The following NCAM2 variants were observed in gnomAD, a reference collection of about 807,000 sequenced individuals.
NCAM2 encodes the protein neural cell adhesion molecule 2.
Under a neutral mutation model 98.1 loss-of-function variants are expected in NCAM2, and 30 were observed. The observed-to-expected ratio is 0.31, with a 90% CI of 0.23 to 0.41. The LOEUF is 0.41. Ranked by LOEUF, NCAM2 falls within the 10% of genes least tolerant of loss-of-function variation. The pLI is 1.00. For missense variants in NCAM2, 867 were observed against 1,005.8 expected (o/e 0.86, Z 1.87); for synonymous variants, 368 against 342.4 (o/e 1.07, Z -0.83).
At chr21:21,215,650 C>T (rs539626419) in intron 1 of NCAM2, among the ~76,000 whole-genome samples, 48 of 152,194 alleles carry the variant, frequency 3.2e-4, no homozygotes, top group African/African-American at 1.1e-3. Flanking sequence ...TTTGCTTGAT[C>T]CCGGGAGGCA....
At chr21:21,313,658 T>C (rs2074126657) in intron 5 of NCAM2, among the ~76,000 whole-genome samples, 1 of 152,008 alleles carries the variant, frequency 6.6e-6, no homozygotes, top group Non-Finnish European at 1.5e-5. Context: ...AGTTTCTGTG[T>C]TTTTATTCAT....
At chr21:21,152,053 G>GCCCT (rs1173030975) in intron 1 of NCAM2, among the ~76,000 whole-genome samples, 1 of 151,758 alleles carries the variant, frequency 6.6e-6, no homozygotes, top group Admixed American at 6.6e-5. Context: ...GTCATTTTAT[G>GCCCT]CCCTCTCTTC....
intron 1 of NCAM2, among the ~76,000 whole-genome samples, chr21:21,095,917 A>T (rs911339407): frequency 6.6e-6 from 1 of 151,550 alleles, no homozygotes; most frequent in Non-Finnish European, 1.5e-5. Context: ...GAATATTACT[A>T]TATGTATCAT....
At chr21:21,507,770 CAG>C (rs1447466841) in intron 15 of NCAM2, among the ~76,000 whole-genome samples, 76 of 121,840 alleles carry the variant, frequency 6.2e-4, no homozygotes, top group African/African-American at 2.4e-3. Flanking sequence ...AGCCTGGTGA[CAG>C]AGCAAGACTC....
intron 1 of NCAM2, among the ~76,000 whole-genome samples, chr21:21,180,877 A>T (rs926928163): frequency 2.0e-4 from 31 of 152,162 alleles, no homozygotes; most frequent in African/African-American, 7.5e-4. Context: ...AAATTCAGGA[A>T]CAAAAAGTAA....
intron 14 of NCAM2, among the ~76,000 whole-genome samples, chr21:21,475,202 A>G (rs558703279): frequency 2.1e-4 from 32 of 152,146 alleles, no homozygotes; most frequent in South Asian, 2.1e-3. Flanking sequence ...CATTAACTCA[A>G]TTAGGACAAA....
intron 14 of NCAM2, among the ~76,000 whole-genome samples, chr21:21,472,921 A>T (rs1984631415): frequency 6.6e-6 from 1 of 151,628 alleles, no homozygotes; most frequent in Non-Finnish European, 1.5e-5. Flanking sequence ...CTCGGCTAAA[A>T]TCTTCAAACC....
intron 11 of NCAM2, among the ~76,000 whole-genome samples, chr21:21,424,720 G>T (rs1602299729): frequency 1.3e-5 from 2 of 152,002 alleles, no homozygotes; most frequent in South Asian, 4.1e-4. Context: ...GAGAAGTTAA[G>T]TTATAGATCT....
In NCAM2 at chr21:21,359,799, A is replaced by G. The variant is rs547445833; in HGVS notation, c.1045-14064A>G. The stretch of plus-strand genomic sequence containing the variant: ...GAAGAAAATATAAAATCGTATCACT[A>G]TAAAGAAGTCTAAATATATCAGTGA... On this transcript the variant is annotated intron_variant, in intron 8 of 17. Coordinates refer to ENST00000400546, the MANE Select transcript of NCAM2 (RefSeq NM_004540.5). 9.9e-5 allele frequency among the ~76,000 whole-genome samples: 15 copies of G among 152,084 alleles called. No homozygotes were observed. In the South Asian group the frequency reaches 2.7e-3, roughly 27 times the overall value.
chr21:21,012,427 A>T (rs1044258278), intron 1 of NCAM2, among the ~76,000 whole-genome samples: 1 of 152,172 alleles, frequency 6.6e-6, no homozygotes, highest in Non-Finnish European at 1.5e-5. Context: ...GTGAAATTAC[A>T]TCAGTTTAGG....
intron 8 of NCAM2, among the ~76,000 whole-genome samples, chr21:21,372,396 C>CTT (rs780112817): frequency 2.0e-5 from 3 of 151,696 alleles, no homozygotes; most frequent in Non-Finnish European, 4.4e-5. Context: ...CAGTCAGACA[C>CTT]TTTGTTTTCT....
At chr21:21,038,433 A>G (rs1389728985) in intron 1 of NCAM2, among the ~76,000 whole-genome samples, 3 of 152,128 alleles carry the variant, frequency 2.0e-5, no homozygotes, top group East Asian at 1.9e-4. Context: ...TGTAATTCCC[A>G]TAACCCCCAT....
At chr21:21,530,102 TATATA>T (rs1388790217) in intron 16 of NCAM2, among the ~76,000 whole-genome samples, 1 of 78,452 alleles carries the variant, frequency 1.3e-5, no homozygotes, top group Admixed American at 1.5e-4. Context: ...AATTTAATTA[TATATA>T]ATTTAATTTA....
At chr21:21,173,739 T>G (rs2068193984) in intron 1 of NCAM2, among the ~76,000 whole-genome samples, 1 of 152,158 alleles carries the variant, frequency 6.6e-6, no homozygotes, top group Admixed American at 6.5e-5. Context: ...ATTAGCATGC[T>G]TAGATAAATA....
chr21:21,428,843 T>C (rs1197543457), intron 11 of NCAM2, among the ~76,000 whole-genome samples: 3 of 152,210 alleles, frequency 2.0e-5, no homozygotes, highest in African/African-American at 7.2e-5. Context: ...TTGTATATAA[T>C]TTTTCATTAC....
At chr21:21,410,111 C>T (rs2076825559) in intron 9 of NCAM2, among the ~76,000 whole-genome samples, 163 bp from the exon 10 acceptor site, 1 of 150,494 alleles carries the variant, frequency 6.6e-6, no homozygotes, top group Non-Finnish European at 1.5e-5. Flanking sequence ...CCAGCCTGGG[C>T]GACAGGGCGA....
chr21:21,511,175 G>C (rs2046036881), intron 16 of NCAM2, among the ~76,000 whole-genome samples: 1 of 151,504 alleles, frequency 6.6e-6, no homozygotes, highest in South Asian at 2.1e-4. Context: ...ATTATTTTTG[G>C]CTGTTGTCAA....
intron 1 of NCAM2, among the ~76,000 whole-genome samples, chr21:21,066,865 G>T (rs1412941274): frequency 1.3e-5 from 2 of 152,122 alleles, no homozygotes; most frequent in Admixed American, 1.3e-4. Context: ...GAATTACTGT[G>T]TTATTGATAG....
At chr21:21,092,348 A>G (rs907919404) in intron 1 of NCAM2, among the ~76,000 whole-genome samples, 2 of 152,024 alleles carry the variant, frequency 1.3e-5, no homozygotes, top group African/African-American at 4.8e-5. Context: ...TGGGTGGAGT[A>G]TAAATTTAAA....
Sources: gnomAD v4.1 joint callset for allele counts (sites outside exome capture counted in the v4.1 genomes callset) on GRCh38, gnomAD v4.1.1 for gene constraint, MANE v1.5 for transcripts, NCBI Gene and HGNC (gene_info 2026-07-23, HGNC 2026-07-21) for gene names.